Variants in DROSHA observed in about 807,000 individuals in gnomAD.
DROSHA encodes drosha ribonuclease III, also known as ribonuclease 3.
DROSHA carries 56 observed loss-of-function variants against 181.9 expected under a neutral mutation model. The observed-to-expected ratio is 0.31, with a 90% CI of 0.25 to 0.38. DROSHA has a LOEUF of 0.38. Ranked by LOEUF, DROSHA falls within the 10% of genes least tolerant of loss-of-function variation. The pLI is 1.00. For synonymous variants in DROSHA, 524 were observed against 591.2 expected (o/e 0.89, Z 1.65); for missense variants, 1,218 against 1,743.5 (o/e 0.70, Z 5.37).
At chr5:31,414,586 G>A (rs572030624) in intron 30 of DROSHA, among the ~76,000 whole-genome samples, 11 of 152,266 alleles carry the variant, frequency 7.2e-5, no homozygotes, top group African/African-American at 1.7e-4. Flanking sequence ...TAGCTCTCAC[G>A]ATTGTTTTGA....
At chr5:31,407,933 A>G (rs1740848971) in intron 33 of DROSHA, among the ~76,000 whole-genome samples, 1 of 152,184 alleles carries the variant, frequency 6.6e-6, no homozygotes, top group South Asian at 2.1e-4. Flanking sequence ...TATGCTTATT[A>G]GGCACATAAT....
chr5:31,401,161 T>C lies in DROSHA; in HGVS notation c.*271A>G, dbSNP rs1739955639. 2.6e-6 allele frequency: 1 copy of C among 389,586 alleles called. No homozygotes were observed. The highest frequency in any genetic ancestry group is 2.1e-5 in the African/African-American group (1 of 47,902). 24.1% of individuals were successfully genotyped at this position (389,586 alleles called of 1,614,324 possible). ...TCTATTCCACATAGAATATGCTTCT[T>C]GAATTTTATTATTTAAAGAGCAAAA... On this transcript the variant is annotated 3_prime_UTR_variant, in exon 36 of 36. Coordinates refer to ENST00000344624, the MANE Select transcript of DROSHA (RefSeq NM_001382508.1).
At chr5:31,464,867 C>T (rs1026227692) in intron 19 of DROSHA, among the ~76,000 whole-genome samples, 3 of 152,090 alleles carry the variant, frequency 2.0e-5, no homozygotes, top group African/African-American at 7.2e-5. Flanking sequence ...TAACTCTTCC[C>T]TTTCACGGCC....
intron 26 of DROSHA, 47 bp from the exon 27 acceptor site, chr5:31,429,592 C>A (rs777895209): frequency 1.3e-6 from 2 of 1,534,890 alleles, no homozygotes; most frequent in Admixed American, 3.7e-5. Context: ...CATCAACAGT[C>A]AAAGAAAATG....
chr5:31,415,733 A>G (rs1335377673), intron 30 of DROSHA, among the ~76,000 whole-genome samples: 5 of 152,238 alleles, frequency 3.3e-5, no homozygotes, highest in South Asian at 2.1e-4. Flanking sequence ...AACTATTTTT[A>G]GCAAAGAGTA....
At chr5:31,510,959 C>T in intron 9 of DROSHA, 76 bp downstream of exon 9, 1 of 1,558,650 alleles carries the variant, frequency 6.4e-7, no homozygotes, top group Non-Finnish European at 8.7e-7. Context: ...GTGGGACTCT[C>T]AAGGGTATTT....
At chr5:31,423,084 C>T (rs1044423374) in intron 28 of DROSHA, 140 bp from the exon 29 acceptor site, 4 of 725,748 alleles carry the variant, frequency 5.5e-6, no homozygotes, top group African/African-American at 3.7e-5. Context: ...CATGGAAGCT[C>T]GTTTCTCATT....
At chr5:31,440,095 T>C (rs1034001996) in intron 23 of DROSHA, among the ~76,000 whole-genome samples, 12 of 152,156 alleles carry the variant, frequency 7.9e-5, no homozygotes, top group African/African-American at 2.4e-4. Flanking sequence ...CAAGTCCATG[T>C]TGATCAACCT....
chr5:31,429,524 C>T lies in DROSHA; in HGVS notation c.3167G>A (p.Ser1056Asn). Residue 1056 changes from serine (S) to asparagine (N), a missense_variant, in exon 27 of 36, where the codon AGC becomes AAC. Around this residue, in one of 8 missense-constraint regions of DROSHA, gnomAD observed 71 missense variants for 95.2 expected, o/e 0.75. Coordinates refer to ENST00000344624, the MANE Select transcript of DROSHA (RefSeq NM_001382508.1). The part of the protein sequence containing the change: ...ALIGAVYLEG[S>N]LEEAKQLFGR... ...AAATAACTGCTTGGCTTCCTCCAGG[C>T]TTCCCTCCAAGTAAACAGCTCCTAG... is the stretch of plus-strand genomic sequence containing the variant. The T allele has an allele frequency of 5.0e-6, 8 of 1,612,124 alleles. No homozygotes were observed. The highest frequency in any genetic ancestry group is 6.8e-6 in the Non-Finnish European group (8 of 1,178,810).
At chr5:31,506,339 G>A (rs1737947229) in intron 10 of DROSHA, among the ~76,000 whole-genome samples, 1 of 148,270 alleles carries the variant, frequency 6.7e-6, no homozygotes, top group Admixed American at 6.9e-5. Flanking sequence ...CTCCAGCCTG[G>A]GCGACAGAGT....
In DROSHA at chr5:31,409,491, C is replaced by T; in HGVS notation, c.3668-159G>A. 1 of 632,740 alleles carries T rather than the reference C, an allele frequency of 1.6e-6. No individual in the cohort carries two copies. Among genetic ancestry groups the T allele is most frequent in the Non-Finnish European group, 2.8e-6 (1 of 361,508 alleles). The allele number at this position is 632,740 out of a possible 1,614,324, so 39.2% of individuals were successfully genotyped here. On this transcript the variant is annotated intron_variant, in intron 31 of 35. Transcript: ENST00000344624. The surrounding 1 kb of genome is among the most constrained non-coding windows in gnomAD (Gnocchi z 4.0). ...CATTTCATCTTCCCCCACTTTTTAT[C>T]ATTAATATCAGAAGCAGCAAGAGAT...
intron 27 of DROSHA, among the ~76,000 whole-genome samples, chr5:31,427,760 G>GT (rs1743665118): frequency 6.6e-6 from 1 of 152,204 alleles, no homozygotes; most frequent in East Asian, 1.9e-4. Context: ...GTCCCTGGCT[G>GT]TCTTTGGCTA....
At chr5:31,483,657 A>G (rs763657509) in intron 15 of DROSHA, 29 bp from the exon 16 acceptor site, 43 of 1,569,460 alleles carry the variant, frequency 2.7e-5, no homozygotes, top group Non-Finnish European at 3.0e-5. Flanking sequence ...AAAAAAAAAA[A>G]AAAAAGAAAA....
chr5:31,478,792 G>C (rs1255284024), intron 16 of DROSHA, among the ~76,000 whole-genome samples: 1 of 152,206 alleles, frequency 6.6e-6, no homozygotes, highest in South Asian at 2.1e-4. Context: ...AGTACTTTCT[G>C]TTGGTCAGAA....
At chr5:31,497,887 T>C (rs1243295039) in intron 11 of DROSHA, among the ~76,000 whole-genome samples, 2 of 152,200 alleles carry the variant, frequency 1.3e-5, no homozygotes, top group Non-Finnish European at 2.9e-5. Flanking sequence ...GCTTATTCTC[T>C]TACAAGACGA....
At chr5:31,477,044 G>A (rs538134868) in intron 16 of DROSHA, among the ~76,000 whole-genome samples, 89 of 152,260 alleles carry the variant, frequency 5.8e-4, no homozygotes, top group Non-Finnish European at 9.8e-4. Flanking sequence ...AAATGAGAGC[G>A]GGTAAGCTAA....
chr5:31,446,739 C>A (rs1746352108), intron 23 of DROSHA, among the ~76,000 whole-genome samples: 1 of 148,272 alleles, frequency 6.7e-6, no homozygotes. Flanking sequence ...CAGTGATAGA[C>A]TACATAAAGA....
intron 8 of DROSHA, among the ~76,000 whole-genome samples, chr5:31,512,454 G>A (rs1372404174): frequency 3.3e-5 from 5 of 152,110 alleles, no homozygotes; most frequent in Non-Finnish European, 7.4e-5. Context: ...TAACACCTAT[G>A]GCAGCCATTC....
intron 25 of DROSHA, among the ~76,000 whole-genome samples, chr5:31,434,472 C>T (rs991271280): frequency 3.9e-5 from 6 of 152,182 alleles, no homozygotes; most frequent in African/African-American, 1.4e-4. Context: ...TACCTGGTTG[C>T]TTACAGGTTT....
Sources: gnomAD v4.1 joint callset for allele counts (sites outside exome capture counted in the v4.1 genomes callset) on GRCh38, gnomAD v4.1.1 for gene constraint, gnomAD v4.1.1 regional missense constraint, Gnocchi (gnomAD v3.1) non-coding constraint, MANE v1.5 for transcripts, NCBI Gene and HGNC (gene_info 2026-07-23, HGNC 2026-07-21) for gene names.